Variants in TSPAN16 observed in about 807,000 individuals in gnomAD.
The protein encoded by TSPAN16 is tetraspanin 16.
TSPAN16 carries 23 observed loss-of-function variants against 25.2 expected under a neutral mutation model. The observed-to-expected ratio is 0.91, with a 90% CI of 0.66 to 1.29. The LOEUF is 1.29. TSPAN16 is among the 50% of genes most tolerant of loss of function. TSPAN16 has a pLI of 0.00. For synonymous variants in TSPAN16, 123 were observed against 124.4 expected (o/e 0.99, Z 0.08); for missense variants, 272 against 299.9 (o/e 0.91, Z 0.69).
At chr19:11,312,746 G>A (rs746769589) in intron 6 of TSPAN16, among the ~76,000 whole-genome samples, 1 of 152,088 alleles carries the variant, frequency 6.6e-6, no homozygotes, top group Non-Finnish European at 1.5e-5. Flanking sequence ...CTGAGTGACA[G>A]AGTGAGATCA....
downstream of TSPAN16, among the ~76,000 whole-genome samples, chr19:11,318,708 A>G (rs1256557823): frequency 6.6e-6 from 1 of 151,506 alleles, no homozygotes; most frequent in African/African-American, 2.4e-5. Context: ...GTGCAGTGGC[A>G]CGATCTCAGC....
chr19:11,303,394 C>T (rs2080587936), intron 4 of TSPAN16, among the ~76,000 whole-genome samples: 1 of 146,924 alleles, frequency 6.8e-6, no homozygotes, highest in Non-Finnish European at 1.5e-5. Context: ...TCCCTAATCT[C>T]AAGTTCCCAG....
At chr19:11,311,602 T>G (rs2080692938) in intron 5 of TSPAN16, among the ~76,000 whole-genome samples, 1 of 152,026 alleles carries the variant, frequency 6.6e-6, no homozygotes, top group Non-Finnish European at 1.5e-5. Flanking sequence ...TTTACATTTT[T>G]TATAGAGAGG....
chr19:11,316,172 G>T (rs979924024), downstream of TSPAN16, among the ~76,000 whole-genome samples: 11 of 149,594 alleles, frequency 7.4e-5, 1 homozygote, highest in African/African-American at 2.7e-4. Flanking sequence ...AGGCTGGAGT[G>T]CAATGGCACG....
intron 3 of TSPAN16, among the ~76,000 whole-genome samples, chr19:11,300,161 C>T (rs980890811): frequency 6.6e-6 from 1 of 152,060 alleles, no homozygotes; most frequent in Non-Finnish European, 1.5e-5. Context: ...GATAGAGTGC[C>T]GTCCTCATTG....
chr19:11,325,319 G>A (rs2080805317), intron 6 of TSPAN16: 1 of 919,632 alleles, frequency 1.1e-6, no homozygotes, highest in Admixed American at 2.3e-5. Flanking sequence ...TGAGCTTGGA[G>A]ATAACCACTG....
chr19:11,314,483 T>A (rs2080724780), intron 6 of TSPAN16, among the ~76,000 whole-genome samples: 1 of 152,206 alleles, frequency 6.6e-6, no homozygotes, highest in Admixed American at 6.6e-5. Flanking sequence ...GAGACAAGGC[T>A]CTATCTTACC....
chr19:11,302,283 C>T (rs1185373170), intron 4 of TSPAN16, among the ~76,000 whole-genome samples: 1 of 151,976 alleles, frequency 6.6e-6, no homozygotes, highest in East Asian at 1.9e-4. Flanking sequence ...GCCCCTGGCA[C>T]CCACCATGCT....
chr19:11,296,204 C>G lies in TSPAN16; in HGVS notation c.-94C>G. ...GGGCAGAGCAAGTCAGCATTGGCGC[C>G]CCTTCCTCAGATCCCTATCATCTTG... On this transcript the variant is annotated 5_prime_UTR_variant, in exon 1 of 7. Coordinates refer to ENST00000590327, the MANE Select transcript of TSPAN16 (RefSeq NM_001282509.2). 1 of 1,350,358 alleles carries G rather than the reference C, an allele frequency of 7.4e-7. No individual in the cohort carries two copies. Among genetic ancestry groups the G allele is most frequent in the African/African-American group, 1.4e-5 (1 of 70,588 alleles). The allele number at this position is 1,350,358 out of a possible 1,614,324, so 83.6% of individuals were successfully genotyped here. A position where few individuals can be genotyped will look rare whatever the true frequency, so the allele number is the denominator to read the frequency against.
At chr19:11,307,906 A>C (rs369901005) in intron 5 of TSPAN16, 41 of 152,308 alleles carry the variant, frequency 2.7e-4, no homozygotes, top group Middle Eastern at 3.4e-3. Context: ...AAGATCACAG[A>C]GCTTTGGCAG....
chr19:11,297,385 T>C (rs2080489829), intron 1 of TSPAN16, among the ~76,000 whole-genome samples: 1 of 152,120 alleles, frequency 6.6e-6, no homozygotes, highest in Admixed American at 6.6e-5. Context: ...GCTACACCAA[T>C]AGAACTGCGT....
At chr19:11,304,707 G>T (rs1268306336) in intron 4 of TSPAN16, among the ~76,000 whole-genome samples, 1 of 151,676 alleles carries the variant, frequency 6.6e-6, no homozygotes, top group African/African-American at 2.4e-5. Context: ...TGTATTTTTA[G>T]TAGAAACGGG....
chr19:11,298,233 T>C lies in TSPAN16; in HGVS notation c.161T>C (p.Leu54Pro). 1 of 1,614,184 alleles carries C rather than the reference T, an allele frequency of 6.2e-7. No homozygotes were observed. The highest frequency in any genetic ancestry group is 2.2e-5 in the East Asian group (1 of 44,878). ...GTCCTCGGGCTGTCCTCCGCATACC[T>C]CCTTCACGTTGGCAACCTGTGCCTG... The part of the protein sequence containing the change: ...TNVLGLSSAY[L>P]LHVGNLCLVM... The change falls in exon 2 of 7, where the codon CTC becomes CCC. Residue 54 changes from leucine (L) to proline (P), a missense_variant. Coordinates refer to ENST00000590327, the MANE Select transcript of TSPAN16 (RefSeq NM_001282509.2).
intron 2 of TSPAN16, 71 bp from the exon 3 acceptor site, chr19:11,298,801 C>A: frequency 1.4e-6 from 2 of 1,450,218 alleles, no homozygotes; most frequent in South Asian, 1.1e-5. Context: ...GACAACCCCT[C>A]ACCTGCAGGG....
At chr19:11,325,451 C>G in intron 6 of TSPAN16, 1 of 1,610,556 alleles carries the variant, frequency 6.2e-7, no homozygotes, top group Non-Finnish European at 8.5e-7. Context: ...ACGGCCGGGC[C>G]TTTCCCGTTG....
At chr19:11,320,122 C>CTT (rs373015307), downstream of TSPAN16, among the ~76,000 whole-genome samples, 72 of 106,786 alleles carry the variant, frequency 6.7e-4, 6 homozygotes, top group African/African-American at 2.7e-3. Flanking sequence ...CCGGCCAGGA[C>CTT]TTTTTTTTTT....
rs147090042 is a variant in TSPAN16 at position 11,309,546 on chromosome 19, G to A, written c.604-2593G>A. On this transcript the variant is annotated intron_variant, in intron 5 of 6. Coordinates refer to ENST00000590327, the MANE Select transcript of TSPAN16 (RefSeq NM_001282509.2). Reference sequence around the variant, plus strand: ...TCCTTCACGTCTTCCTACCTCTCAAGTCTTTACTCAACTGGCACTTTCTCC... The same window carrying A: ...TCCTTCACGTCTTCCTACCTCTCAAATCTTTACTCAACTGGCACTTTCTCC... Among the ~76,000 whole-genome samples the A allele has an allele frequency of 1.6e-4, 25 of 152,308 alleles. No individual in the cohort carries two copies. In the East Asian group the frequency reaches 4.4e-3, roughly 27 times the overall value.
chr19:11,307,038 C>T lies in TSPAN16; in HGVS notation c.603+282C>T, dbSNP rs566737451. Among the ~76,000 whole-genome samples the T allele has an allele frequency of 4.6e-5, 7 of 151,960 alleles. No homozygotes were observed. The East Asian group carries it at 1.4e-3, about 29-fold the overall frequency. Reference sequence around the variant, plus strand: ...CCATGTTGGCCAGGCTGGTCTCGAACCTCAGGTGATCCACCCACCTTGGCC... The same window carrying T: ...CCATGTTGGCCAGGCTGGTCTCGAATCTCAGGTGATCCACCCACCTTGGCC... On this transcript the variant is annotated intron_variant, in intron 5 of 6. Transcript: ENST00000590327.
chr19:11,303,179 G>A (rs2080584578), intron 4 of TSPAN16, among the ~76,000 whole-genome samples: 1 of 147,386 alleles, frequency 6.8e-6, no homozygotes, highest in Admixed American at 6.7e-5. Flanking sequence ...GAAAGAAGTA[G>A]ACATGGGAGA....
Sources: allele counts gnomAD v4.1 joint callset (sites outside exome capture counted in the v4.1 genomes callset), GRCh38; gene constraint gnomAD v4.1.1; transcripts MANE v1.5; gene names NCBI Gene and HGNC (gene_info 2026-07-23, HGNC 2026-07-21).